Variants in FAM227B observed in about 807,000 individuals in gnomAD.
FAM227B encodes the protein protein FAM227B.
FAM227B carries 88 observed loss-of-function variants against 73.8 expected under a neutral mutation model. That is an observed-to-expected ratio of 1.19 (90% CI 1.00 to 1.42). The LOEUF is 1.42. FAM227B is among the 40% of genes most tolerant of loss of function. The pLI, the probability that FAM227B is intolerant of heterozygous loss-of-function variation, is 0.00. For synonymous variants in FAM227B, 210 were observed against 190.5 expected (o/e 1.10, Z -0.84); for missense variants, 632 against 590.9 (o/e 1.07, Z -0.72).
chr15:49,592,359 G>C (rs539374036), intron 3 of FAM227B, among the ~76,000 whole-genome samples: 1 of 152,286 alleles, frequency 6.6e-6, no homozygotes, highest in African/African-American at 2.4e-5. Context: ...TGGTGTGGAT[G>C]TCCTTTTTGT....
Position 49,329,113 on chromosome 15 carries a change from A to G in FAM227B, c.1420-438T>C, listed in dbSNP as rs1203442545. The G allele has an allele frequency of 5.0e-6, 5 of 993,758 alleles. No homozygotes were observed. In the East Asian group the frequency reaches 5.3e-4, roughly 105 times the overall value. 61.6% of individuals were successfully genotyped at this position (993,758 alleles called of 1,614,324 possible). A position where few individuals can be genotyped will look rare whatever the true frequency, so the allele number is the denominator to read the frequency against. ...CCTTATATCCCTTTTTTGCTTGTCT[A>G]GCAAAGCTTGTTTGTATATATGCAC... On this transcript the variant is annotated intron_variant, in intron 15 of 15. Coordinates refer to ENST00000299338, the MANE Select transcript of FAM227B (RefSeq NM_152647.3).
intron 11 of FAM227B, among the ~76,000 whole-genome samples, chr15:49,489,802 T>A (rs113873770): frequency 3.9e-5 from 2 of 50,974 alleles, no homozygotes; most frequent in Admixed American, 2.9e-4. Flanking sequence ...ATATATATAT[T>A]TTATATATAT....
At position 49,327,764 on chromosome 15, in the gene FAM227B, G is replaced by GA. The variant is rs1179546400; in HGVS notation, c.*803dup. On this transcript the variant is annotated 3_prime_UTR_variant, in exon 16 of 16. Transcript: ENST00000299338. The stretch of plus-strand genomic sequence containing the variant: ...ACCAGGGACTAGATTTAGATACAAT[G>GA]AAAAAATTCCAAATCACTCTCTGAA... The GA allele has an allele frequency of 4.0e-6, 2 of 499,920 alleles. No individual in the cohort carries two copies. Among genetic ancestry groups the GA allele is most frequent in the South Asian group, 4.1e-5 (1 of 24,178 alleles). The allele number at this position is 499,920 out of a possible 1,614,324, so 31.0% of individuals were successfully genotyped here. A position where few individuals can be genotyped will look rare whatever the true frequency, so the allele number is the denominator to read the frequency against.
intron 9 of FAM227B, among the ~76,000 whole-genome samples, chr15:49,557,710 G>A (rs1365626771): frequency 6.6e-6 from 1 of 152,024 alleles, no homozygotes; most frequent in Non-Finnish European, 1.5e-5. Context: ...AGAGTCCTGA[G>A]GGGATCTATA....
chr15:49,596,030 A>G (rs1335401645), intron 3 of FAM227B, among the ~76,000 whole-genome samples: 1 of 152,010 alleles, frequency 6.6e-6, no homozygotes, highest in African/African-American at 2.4e-5. Context: ...TGAAAGTTTC[A>G]AAAACTTACT....
Position 49,589,889 on chromosome 15 carries a change from G to A in FAM227B, c.224C>T (p.Pro75Leu). 6.3e-7 allele frequency: 1 copy of A among 1,598,962 alleles called. No homozygotes were observed. ...SIYTHLWENV[P>L]RIFEALLIME... ...GATCAAAAGTGCTTCAAATATTCGA[G>A]GAACATTTTCCCATAGGTGTGTATA... is the stretch of plus-strand genomic sequence containing the variant. Residue 75 changes from proline to leucine, a missense_variant, in exon 4 of 16, where the codon CCT becomes CTT. Pro to Leu is a moderately conservative substitution (Grantham distance 98). Transcript: ENST00000299338.
At chr15:49,611,623 T>C (rs2077925357) in intron 2 of FAM227B, among the ~76,000 whole-genome samples, 1 of 152,192 alleles carries the variant, frequency 6.6e-6, no homozygotes, top group South Asian at 2.1e-4. Context: ...GCCAAAAATA[T>C]AATATGTTCT....
intron 10 of FAM227B, among the ~76,000 whole-genome samples, chr15:49,510,309 TC>T: frequency 6.6e-6 from 1 of 152,286 alleles, no homozygotes; most frequent in African/African-American, 2.4e-5. Flanking sequence ...ACCAGTTTTC[TC>T]TTTTTGAATA....
intron 3 of FAM227B, among the ~76,000 whole-genome samples, chr15:49,602,364 A>G (rs1344122607): frequency 1.4e-5 from 2 of 139,904 alleles, no homozygotes; most frequent in African/African-American, 4.9e-5. Context: ...GTATGTCACT[A>G]TAGTTTAGAT....
chr15:49,586,074 A>G (rs148158747), intron 5 of FAM227B, among the ~76,000 whole-genome samples: 1 of 150,800 alleles, frequency 6.6e-6, no homozygotes, highest in African/African-American at 2.5e-5. Flanking sequence ...AATACCCAAG[A>G]CAATCCTAAG....
intron 5 of FAM227B, among the ~76,000 whole-genome samples, chr15:49,582,469 A>G (rs903998147): frequency 5.3e-5 from 8 of 152,232 alleles, no homozygotes; most frequent in African/African-American, 1.7e-4. Flanking sequence ...GAGAACCCAG[A>G]TTCATAAAGC....
chr15:49,489,854 TATA>T (rs1567382566), intron 11 of FAM227B, among the ~76,000 whole-genome samples: 1 of 15,664 alleles, frequency 6.4e-5, no homozygotes, highest in African/African-American at 1.7e-4. Flanking sequence ...TATATATATA[TATA>T]TTTTATATAT....
In FAM227B at chr15:49,576,764, TA is replaced by T. The variant is rs2075468377; in HGVS notation, c.522del (p.Phe174LeufsTer3). On this transcript the variant is annotated frameshift_variant, in exon 7 of 16. Coordinates refer to ENST00000299338, the MANE Select transcript of FAM227B (RefSeq NM_152647.3). LOFTEE classifies it high-confidence loss of function. Reference sequence around the variant, plus strand: ...ACATCAAAATTATGGGCTTTTAAAATAAAAAGATAAATTTGTTCAGCATCCA... The same window carrying T: ...ACATCAAAATTATGGGCTTTTAAAATAAAAGATAAATTTGTTCAGCATCCA... ...RHLDAEQIYL[F>X]ILKAHNFDER... 6.2e-7 allele frequency: 1 copy of T among 1,601,114 alleles called. No homozygotes were observed. The highest frequency in any genetic ancestry group is 8.6e-7 in the Non-Finnish European group (1 of 1,169,040).
At chr15:49,489,840 T>TTTATATATATATA (rs2056825818) in intron 11 of FAM227B, among the ~76,000 whole-genome samples, 2 of 21,834 alleles carry the variant, frequency 9.2e-5, no homozygotes, top group Non-Finnish European at 1.6e-4. Context: ...ATATATATAT[T>TTTATATATATATA]TTATATATAT....
At chr15:49,406,259 T>C (rs2048502102) in intron 11 of FAM227B, among the ~76,000 whole-genome samples, 2 of 152,090 alleles carry the variant, frequency 1.3e-5, no homozygotes, top group Non-Finnish European at 2.9e-5. Context: ...AATAGAAATG[T>C]GGTGGGGTGC....
chr15:49,542,974 T>C (rs1390261249), intron 9 of FAM227B, among the ~76,000 whole-genome samples: 1 of 152,146 alleles, frequency 6.6e-6, no homozygotes, highest in Non-Finnish European at 1.5e-5. Flanking sequence ...AACATGCGTG[T>C]GCAAGTGACT....
At chr15:49,577,778 A>AG in intron 5 of FAM227B, 114 bp from the exon 6 acceptor site, 1 of 569,966 alleles carries the variant, frequency 1.8e-6, no homozygotes, top group Non-Finnish European at 3.0e-6. Flanking sequence ...ATGTATATAT[A>AG]TCCTACAGAG....
chr15:49,441,246 T>C (rs1221223970), intron 11 of FAM227B, among the ~76,000 whole-genome samples: 1 of 151,648 alleles, frequency 6.6e-6, no homozygotes, highest in Non-Finnish European at 1.5e-5. Context: ...TGCCCACAAC[T>C]TAGATTTTCA....
intron 13 of FAM227B, among the ~76,000 whole-genome samples, chr15:49,360,684 C>T (rs1203449714): frequency 3.3e-5 from 5 of 152,024 alleles, no homozygotes; most frequent in Non-Finnish European, 7.4e-5. Context: ...AAGTTTTTCT[C>T]CTGTTTTACT....
Sources: allele counts gnomAD v4.1 joint callset (sites outside exome capture counted in the v4.1 genomes callset), GRCh38; gene constraint gnomAD v4.1.1; transcripts MANE v1.5; gene names NCBI Gene and HGNC (gene_info 2026-07-23, HGNC 2026-07-21).